Variants in CCDC93 observed in about 807,000 individuals in gnomAD.
CCDC93 encodes the protein CCC complex scaffolding subunit CCDC93, also known as coiled-coil domain-containing protein 93.
A neutral mutation model predicts 108.2 loss-of-function variants in CCDC93; 61 were observed. The ratio of observed to expected loss-of-function variants is 0.56; its 90% CI spans 0.46 to 0.70. CCDC93 has a LOEUF of 0.70. CCDC93 is among the 30% of genes least tolerant of loss of function. The probability of loss-of-function intolerance (pLI) is 0.00; values close to 1 mark genes in which losing one functional copy is unlikely to be tolerated. For synonymous variants in CCDC93, 276 were observed against 260.4 expected, an observed-to-expected ratio of 1.06 and a Z score of -0.58; for missense variants, 685 against 764.2, an observed-to-expected ratio of 0.90 and a Z score of 1.22.
At chr2:117,949,177 G>C (rs1678971244) in intron 14 of CCDC93, 145 bp downstream of exon 14, 4 of 618,202 alleles carry the variant, frequency 6.5e-6, no homozygotes, top group Non-Finnish European at 1.2e-5. Flanking sequence ...CCACTTTCTG[G>C]ATGAACAGTA....
chr2:117,971,119 T>C (rs1573500313), intron 11 of CCDC93, among the ~76,000 whole-genome samples: 1 of 152,164 alleles, frequency 6.6e-6, no homozygotes, highest in East Asian at 1.9e-4. Context: ...TCCCAGCACT[T>C]TGGGAGGCTG....
At chr2:117,939,147 C>G (rs746052620) in intron 19 of CCDC93, 36 bp from the exon 20 acceptor site, 33 of 1,360,112 alleles carry the variant, frequency 2.4e-5, no homozygotes, top group Non-Finnish European at 3.4e-5. Flanking sequence ...CGAATAAGAA[C>G]AGGTATCAGA....
chr2:117,945,453 AG>A, intron 17 of CCDC93, 75 bp downstream of exon 17: 1 of 1,176,464 alleles, frequency 8.5e-7, no homozygotes, highest in Non-Finnish European at 1.3e-6. Context: ...AGGCATGAGA[AG>A]CCATCACAGG....
At chr2:117,986,846 G>A (rs1193293534) in intron 6 of CCDC93, among the ~76,000 whole-genome samples, 1 of 151,992 alleles carries the variant, frequency 6.6e-6, no homozygotes, top group Non-Finnish European at 1.5e-5. Context: ...ACACGAATAG[G>A]AAGCTATAAA....
intron 23 of CCDC93, among the ~76,000 whole-genome samples, chr2:117,927,371 C>A (rs1267868076): frequency 6.6e-6 from 1 of 152,110 alleles, no homozygotes; most frequent in Non-Finnish European, 1.5e-5. Context: ...CTAGAAAACC[C>A]CACTGTCTCA....
intron 6 of CCDC93, among the ~76,000 whole-genome samples, chr2:117,993,156 G>A (rs981458090): frequency 1.3e-5 from 2 of 152,152 alleles, no homozygotes; most frequent in African/African-American, 4.8e-5. Context: ...CAGCACTTTG[G>A]GAGGCCGAGG....
chr2:118,005,996 G>A (rs1258134108), intron 3 of CCDC93, among the ~76,000 whole-genome samples: 1 of 152,108 alleles, frequency 6.6e-6, no homozygotes, highest in Non-Finnish European at 1.5e-5. Flanking sequence ...CCATCACTGT[G>A]GCAGTCTTAC....
intron 13 of CCDC93, chr2:117,950,952 T>G (rs1679036088): frequency 1.0e-6 from 1 of 985,328 alleles, no homozygotes; most frequent in Non-Finnish European, 1.2e-6. Flanking sequence ...AGAGCAATGT[T>G]GGCTGCTGTT....
chr2:117,943,775 C>A (rs764036584), intron 18 of CCDC93, among the ~76,000 whole-genome samples: 1 of 152,196 alleles, frequency 6.6e-6, no homozygotes, highest in East Asian at 1.9e-4. Flanking sequence ...GATGTAATAT[C>A]CACTCTCCAC....
intron 13 of CCDC93, chr2:117,950,871 G>C (rs955721958): frequency 1.0e-5 from 10 of 985,354 alleles, no homozygotes; most frequent in Non-Finnish European, 1.2e-5. Context: ...CCTGACACCC[G>C]GCTGCATGGC....
At chr2:117,969,139 T>C (rs569117144) in intron 11 of CCDC93, among the ~76,000 whole-genome samples, 1 of 152,226 alleles carries the variant, frequency 6.6e-6, no homozygotes, top group Non-Finnish European at 1.5e-5. Context: ...GTCTTTTGAT[T>C]ACATATATGT....
chr2:117,943,059 C>T (rs1433667205), intron 18 of CCDC93, among the ~76,000 whole-genome samples: 1 of 152,176 alleles, frequency 6.6e-6, no homozygotes, highest in African/African-American at 2.4e-5. Context: ...CAATCTGTCC[C>T]ATCAGTTCAT....
At chr2:117,975,095 G>T in intron 9 of CCDC93, 93 bp downstream of exon 9, 1 of 1,167,966 alleles carries the variant, frequency 8.6e-7, no homozygotes. Flanking sequence ...GCTGTGGGAG[G>T]TGGTGGCCAT....
chr2:117,935,554 C>T lies in CCDC93; in HGVS notation c.1669G>A (p.Asp557Asn), dbSNP rs1229806585. ...TGTTCCATCTGACGTAAAAACTGGTCCCGGGCAGCAGGGGAGGCCATGGCC... is the reference window on the plus strand; with the variant it reads ...TGTTCCATCTGACGTAAAAACTGGTTCCGGGCAGCAGGGGAGGCCATGGCC... ...SQAMASPAAR[D>N]QFLRQMEQIV... Residue 557 changes from aspartate to asparagine, a missense_variant, in exon 22 of 24, where the codon GAC becomes AAC. Coordinates refer to ENST00000376300, the MANE Select transcript of CCDC93 (RefSeq NM_019044.5). 3 of 1,613,850 alleles carry T rather than the reference C, an allele frequency of 1.9e-6. No homozygotes were observed. Among genetic ancestry groups the T allele is most frequent in the Non-Finnish European group, 2.5e-6 (3 of 1,179,898 alleles).
rs543782959 is a variant in CCDC93 at position 117,956,838 on chromosome 2, A to G, written c.1005+1527T>C. On this transcript the variant is annotated intron_variant, in intron 12 of 23. Transcript: ENST00000376300. ...ACCATTTGATAGGTTAATACCTTTTAAATATGTGGGACTAACTAAAAACTA... is the reference window on the plus strand; with the variant it reads ...ACCATTTGATAGGTTAATACCTTTTGAATATGTGGGACTAACTAAAAACTA... 1.4e-4 allele frequency among the ~76,000 whole-genome samples: 21 copies of G among 152,224 alleles called. No individual in the cohort carries two copies. The South Asian group carries it at 3.9e-3, about 29-fold the overall frequency.
chr2:117,927,927 A>G (rs150622308), intron 23 of CCDC93, among the ~76,000 whole-genome samples: 8,069 of 152,244 alleles, frequency 0.053, 285 homozygotes, highest in Non-Finnish European at 0.082. Context: ...GACCAATGGA[A>G]CAGAACAGAG....
rs557186967 is a variant in CCDC93, at chr2:117,944,833, C to G, written c.1350+696G>C. 6.4e-6 allele frequency: 3 copies of G among 470,554 alleles called. No individual in the cohort carries two copies. The Admixed American group carries it at 7.1e-5, about 11-fold the overall frequency. 29.1% of individuals were successfully genotyped at this position (470,554 alleles called of 1,614,324 possible). ...ACGAGGGTACAAAGGGAAGAGGAAC[C>G]CTTAAAGAAGGCAGATGCTTACAGT... On this transcript the variant is annotated intron_variant, in intron 17 of 23. Transcript: ENST00000376300.
Position 117,949,194 on chromosome 2 carries a change from T to C in CCDC93, c.1142+128A>G, listed in dbSNP as rs1678971844. On this transcript the variant is annotated intron_variant, in intron 14 of 23. Transcript: ENST00000376300. ...ACTTTCTGGATGAACAGTAAAATGA[T>C]CTGACCTGCAGGGGCCAGACCAATA... The C allele has an allele frequency of 4.6e-6, 3 of 659,112 alleles. No individual in the cohort carries two copies. In the East Asian group the frequency reaches 7.9e-5, roughly 17 times the overall value. The allele number at this position is 659,112 out of a possible 1,614,324, so 40.8% of individuals were successfully genotyped here.
At chr2:117,996,557 A>G (rs910263939) in intron 4 of CCDC93, 195 bp from the exon 5 acceptor site, 8 of 511,224 alleles carry the variant, frequency 1.6e-5, no homozygotes, top group African/African-American at 1.5e-4. Flanking sequence ...ATCCAATGGG[A>G]CCTAGTGCTG....
Sources: allele counts gnomAD v4.1 joint callset (sites outside exome capture counted in the v4.1 genomes callset), GRCh38; gene constraint gnomAD v4.1.1; transcripts MANE v1.5; gene names NCBI Gene and HGNC (gene_info 2026-07-23, HGNC 2026-07-21).